Variants in GPC5 observed in about 807,000 individuals in gnomAD.
GPC5 encodes glypican 5, also known as glypican-5.
In GPC5, 47 loss-of-function variants were observed where a neutral mutation model predicts 53.9. The ratio of observed to expected loss-of-function variants is 0.87; its 90% CI spans 0.69 to 1.11. The LOEUF (loss-of-function observed/expected upper bound fraction) is 1.11, where lower values mean the gene tolerates loss of function less well. Ranked by LOEUF, GPC5 falls within the 50% of genes most tolerant of loss-of-function variation. The pLI is 0.00. For synonymous variants in GPC5, 286 were observed against 263.3 expected, an observed-to-expected ratio of 1.09 and a Z score of -0.84; for missense variants, 748 against 713.1, an observed-to-expected ratio of 1.05 and a Z score of -0.56.
chr13:92,398,201 G>A (rs913339436), intron 7 of GPC5, among the ~76,000 whole-genome samples: 1 of 151,480 alleles, frequency 6.6e-6, no homozygotes, highest in Non-Finnish European at 1.5e-5. Flanking sequence ...AGGCCGAGGC[G>A]GGCGGATCAC....
At chr13:92,203,135 A>C (rs961208529) in intron 7 of GPC5, among the ~76,000 whole-genome samples, 1 of 152,120 alleles carries the variant, frequency 6.6e-6, no homozygotes, top group African/African-American at 2.4e-5. Flanking sequence ...TATTTTGCAC[A>C]CTTTTCATTT....
At chr13:92,510,800 A>G (rs1880536272) in intron 7 of GPC5, among the ~76,000 whole-genome samples, 1 of 152,184 alleles carries the variant, frequency 6.6e-6, no homozygotes, top group African/African-American at 2.4e-5. Flanking sequence ...AGTGAGACAT[A>G]AGTAAGGGTG....
intron 5 of GPC5, among the ~76,000 whole-genome samples, chr13:91,832,489 A>T (rs1010992283): frequency 1.3e-5 from 2 of 151,666 alleles, no homozygotes; most frequent in Non-Finnish European, 2.9e-5. Flanking sequence ...TTTAAGATTA[A>T]TATTGTTATG....
chr13:92,076,346 C>A (rs2041252215), intron 6 of GPC5, among the ~76,000 whole-genome samples: 1 of 152,164 alleles, frequency 6.6e-6, no homozygotes, highest in Non-Finnish European at 1.5e-5. Flanking sequence ...GCTGGGATTA[C>A]AGGCGTGAGC....
At chr13:92,647,435 T>C (rs1885810271) in intron 7 of GPC5, among the ~76,000 whole-genome samples, 1 of 152,100 alleles carries the variant, frequency 6.6e-6, no homozygotes, top group Non-Finnish European at 1.5e-5. Flanking sequence ...TACAAAAAGC[T>C]GAATCTAAGC....
intron 5 of GPC5, among the ~76,000 whole-genome samples, chr13:91,884,741 G>A (rs753813761): frequency 5.9e-5 from 9 of 152,156 alleles, no homozygotes; most frequent in Non-Finnish European, 1.2e-4. Context: ...CTTACACTAG[G>A]AACCGTCAAG....
At chr13:92,211,592 G>GCAT (rs1462867749) in intron 7 of GPC5, among the ~76,000 whole-genome samples, 1 of 152,250 alleles carries the variant, frequency 6.6e-6, no homozygotes, top group African/African-American at 2.4e-5. Flanking sequence ...TCCAGCAGCA[G>GCAT]CAACATCGTC....
chr13:91,797,947 T>G (rs1187547681), intron 5 of GPC5, among the ~76,000 whole-genome samples: 2 of 152,148 alleles, frequency 1.3e-5, no homozygotes, highest in African/African-American at 4.8e-5. Flanking sequence ...AAGGGATAAG[T>G]AAGTGCACAT....
intron 7 of GPC5, among the ~76,000 whole-genome samples, chr13:92,305,823 T>G (rs1269550652): frequency 1.3e-5 from 2 of 152,198 alleles, no homozygotes; most frequent in Admixed American, 1.3e-4. Context: ...CCCTGCCATA[T>G]ACATATATTG....
At chr13:92,414,116 A>G (rs1025319938) in intron 7 of GPC5, among the ~76,000 whole-genome samples, 1 of 152,210 alleles carries the variant, frequency 6.6e-6, no homozygotes, top group African/African-American at 2.4e-5. Context: ...TAGTCGGAGA[A>G]TGCAGTAATA....
At chr13:92,814,230 A>T (rs572555304) in intron 7 of GPC5, among the ~76,000 whole-genome samples, 5 of 152,038 alleles carry the variant, frequency 3.3e-5, no homozygotes, top group Non-Finnish European at 5.9e-5. Flanking sequence ...TCTACCACAG[A>T]CCTAAATTTA....
At chr13:91,513,648 GGA>G (rs1306991647) in intron 2 of GPC5, among the ~76,000 whole-genome samples, 2 of 152,258 alleles carry the variant, frequency 1.3e-5, no homozygotes, top group Middle Eastern at 3.4e-3. Context: ...GGCTGAGGCA[GGA>G]GAATCACTTG....
chr13:92,004,745 T>G (rs2138761179), intron 6 of GPC5, among the ~76,000 whole-genome samples: 1 of 151,642 alleles, frequency 6.6e-6, no homozygotes, highest in South Asian at 2.1e-4. Context: ...GAAAAGCACA[T>G]CTTACGTGGT....
At chr13:91,810,639 C>T (rs1437919619) in intron 5 of GPC5, among the ~76,000 whole-genome samples, 2 of 151,764 alleles carry the variant, frequency 1.3e-5, no homozygotes, top group Non-Finnish European at 3.0e-5. Context: ...ATGTGTCTCT[C>T]AGGATAATGA....
In GPC5 at chr13:92,119,485, G is replaced by A. The variant is rs147064755; in HGVS notation, c.1402-25345G>A. On this transcript the variant is annotated intron_variant, in intron 6 of 7. Transcript: ENST00000377067. ...GCGATCTCGGCTCACTGCAGGCTCCGCCCCCCGGGGTTCACACCATTCTCC... is the reference window on the plus strand; with the variant it reads ...GCGATCTCGGCTCACTGCAGGCTCCACCCCCCGGGGTTCACACCATTCTCC... 6.0e-3 allele frequency among the ~76,000 whole-genome samples: 766 copies of A among 128,026 alleles called. 14 individuals carry two copies. The highest frequency in any genetic ancestry group is 0.022 in the African/African-American group (730 of 33,810). 84.0% of individuals were successfully genotyped at this position (128,026 alleles called of 152,430 possible).
chr13:92,000,375 C>A (rs1317472514), intron 6 of GPC5, among the ~76,000 whole-genome samples: 2 of 151,944 alleles, frequency 1.3e-5, no homozygotes, highest in Non-Finnish European at 2.9e-5. Context: ...AAATATATAT[C>A]ATTCTTAAAA....
Position 91,693,874 on chromosome 13 carries a change from T to C in GPC5, c.1013T>C (p.Leu338Ser), listed in dbSNP as rs540705865. ...GCTCACCTCAATGGACAAAAATTAT[T>C]GGAACAGGTAAGTAGGAGCTCCACA... ...LQAHLNGQKL[L>S]EQVNRICGRP... The change falls in exon 3 of 8, where the codon TTG becomes TCG. Residue 338 changes from leucine to serine, a missense_variant. By Grantham distance (145) the Leu-to-Ser change is moderately radical. Coordinates refer to ENST00000377067, the MANE Select transcript of GPC5 (RefSeq NM_004466.6). The C allele has an allele frequency of 6.3e-7, 1 of 1,590,362 alleles. No individual in the cohort carries two copies. Among genetic ancestry groups the C allele is most frequent in the African/African-American group, 1.3e-5 (1 of 74,842 alleles).
At chr13:91,918,849 G>C (rs185416336) in intron 6 of GPC5, among the ~76,000 whole-genome samples, 18 of 151,858 alleles carry the variant, frequency 1.2e-4, no homozygotes, top group Non-Finnish European at 2.4e-4. Context: ...TTTTTTCTGG[G>C]TTCCCACGCA....
At chr13:92,006,193 T>C (rs1295408224) in intron 6 of GPC5, among the ~76,000 whole-genome samples, 1 of 152,216 alleles carries the variant, frequency 6.6e-6, no homozygotes, top group African/African-American at 2.4e-5. Flanking sequence ...GTATTATCTG[T>C]CTTTTCTGTA....
Sources: allele counts gnomAD v4.1 joint callset (sites outside exome capture counted in the v4.1 genomes callset), GRCh38; gene constraint gnomAD v4.1.1; transcripts MANE v1.5; gene names NCBI Gene and HGNC (gene_info 2026-07-23, HGNC 2026-07-21).